The following PRR16 variants were observed in gnomAD, a reference collection of about 807,000 sequenced individuals.
PRR16 encodes protein Largen.
A neutral mutation model predicts 18.2 loss-of-function variants in PRR16; 6 were observed. That is an observed-to-expected ratio of 0.33 (90% CI 0.18 to 0.65). The LOEUF is 0.65. Ranked by LOEUF, PRR16 falls within the 30% of genes least tolerant of loss-of-function variation. The pLI is 0.74. For synonymous variants in PRR16, 151 were observed against 147.8 expected (o/e 1.02, Z -0.16); for missense variants, 412 against 376.6 (o/e 1.09, Z -0.78).
At chr5:120,484,435 C>T (rs901848688) in intron 1 of PRR16, among the ~76,000 whole-genome samples, 2 of 140,382 alleles carry the variant, frequency 1.4e-5, no homozygotes, top group African/African-American at 5.2e-5. Context: ...ATAATATATA[C>T]CTTATATGTT....
chr5:120,489,527 A>G (rs1466239396), intron 1 of PRR16, among the ~76,000 whole-genome samples: 1 of 151,736 alleles, frequency 6.6e-6, no homozygotes, highest in African/African-American at 2.4e-5. Flanking sequence ...CCATCCCTTT[A>G]TTTTGAGCCT....
intron 1 of PRR16, among the ~76,000 whole-genome samples, chr5:120,544,011 G>A (rs1190264013): frequency 6.6e-6 from 1 of 152,130 alleles, no homozygotes; most frequent in Non-Finnish European, 1.5e-5. Context: ...GTCTGGCTGT[G>A]GAGATAATCT....
At chr5:120,770,302 A>T in the PRR16 span, among the ~76,000 whole-genome samples, 6 of 151,954 alleles carry the variant, frequency 3.9e-5, no homozygotes, top group Non-Finnish European at 7.4e-5. Context: ...TTCATACACG[A>T]TCAGTTGAAT....
At chr5:120,737,477 A>T in the PRR16 span, among the ~76,000 whole-genome samples, 1 of 151,862 alleles carries the variant, frequency 6.6e-6, no homozygotes, top group African/African-American at 2.4e-5. Flanking sequence ...TTCCAGGAAT[A>T]AATACTATTT....
the PRR16 span, among the ~76,000 whole-genome samples, chr5:120,734,251 G>T: frequency 1.3e-5 from 2 of 152,180 alleles, no homozygotes; most frequent in Non-Finnish European, 2.9e-5. Context: ...CGCATAAGGG[G>T]AAGTAGCTGA....
intron 1 of PRR16, among the ~76,000 whole-genome samples, chr5:120,681,076 GTC>G (rs1756958626): frequency 6.6e-6 from 1 of 151,998 alleles, no homozygotes; most frequent in Admixed American, 6.6e-5. Flanking sequence ...GTCTTTCTGT[GTC>G]TCTTTTTGGC....
chr5:120,629,870 G>A (rs910539016), intron 1 of PRR16, among the ~76,000 whole-genome samples: 5 of 146,172 alleles, frequency 3.4e-5, no homozygotes, highest in African/African-American at 1.2e-4. Context: ...TATTTTCTGG[G>A]CTGCATTGTT....
intron 1 of PRR16, among the ~76,000 whole-genome samples, chr5:120,621,217 G>C (rs899933866): frequency 3.9e-5 from 6 of 151,980 alleles, no homozygotes; most frequent in African/African-American, 1.5e-4. Flanking sequence ...ACTTTTCTCA[G>C]AGCAGCAAAA....
At chr5:120,763,612 A>C in the PRR16 span, among the ~76,000 whole-genome samples, 3 of 152,046 alleles carry the variant, frequency 2.0e-5, no homozygotes, top group African/African-American at 7.2e-5. Context: ...ATTTTGATAA[A>C]AATTATACTT....
At chr5:120,587,623 A>C (rs1201641452) in intron 1 of PRR16, among the ~76,000 whole-genome samples, 3 of 152,218 alleles carry the variant, frequency 2.0e-5, no homozygotes, top group African/African-American at 7.2e-5. Flanking sequence ...GCATAAATTA[A>C]GACTACTGTT....
At chr5:120,678,759 C>T (rs1310533693) in intron 1 of PRR16, among the ~76,000 whole-genome samples, 1 of 151,904 alleles carries the variant, frequency 6.6e-6, no homozygotes, top group African/African-American at 2.4e-5. Flanking sequence ...TCTTATTTTC[C>T]AATTTGGATT....
At chr5:120,543,587 G>A (rs1235098536) in intron 1 of PRR16, among the ~76,000 whole-genome samples, 1 of 152,134 alleles carries the variant, frequency 6.6e-6, no homozygotes, top group East Asian at 1.9e-4. Flanking sequence ...GGAAACTGAT[G>A]TGAACAAAAT....
the PRR16 span, among the ~76,000 whole-genome samples, chr5:120,717,180 T>C: frequency 6.6e-6 from 1 of 152,220 alleles, no homozygotes; most frequent in Non-Finnish European, 1.5e-5. Flanking sequence ...TTTTCAGTTA[T>C]AGATTAATGG....
chr5:120,704,912 A>C, the PRR16 span, among the ~76,000 whole-genome samples: 1 of 152,160 alleles, frequency 6.6e-6, no homozygotes, highest in Non-Finnish European at 1.5e-5. Context: ...ATATTTCAAA[A>C]AGTTTACGTG....
At chr5:120,484,016 T>C (rs1749707493) in intron 1 of PRR16, among the ~76,000 whole-genome samples, 1 of 152,028 alleles carries the variant, frequency 6.6e-6, no homozygotes. Context: ...CAAGTCTTCT[T>C]TCCTTCTAAA....
intron 1 of PRR16, among the ~76,000 whole-genome samples, chr5:120,673,427 G>A (rs1756683070): frequency 6.6e-6 from 1 of 152,118 alleles, no homozygotes; most frequent in Non-Finnish European, 1.5e-5. Flanking sequence ...TCTTTAAAAA[G>A]CACATAAACA....
intron 1 of PRR16, among the ~76,000 whole-genome samples, chr5:120,492,711 C>A (rs897005262): frequency 5.9e-5 from 9 of 152,046 alleles, no homozygotes; most frequent in Non-Finnish European, 1.3e-4. Flanking sequence ...TATCCCTGCC[C>A]CTTGACATCG....
chr5:120,632,306 G>C (rs566211588), intron 1 of PRR16, among the ~76,000 whole-genome samples: 2 of 152,112 alleles, frequency 1.3e-5, no homozygotes, highest in Admixed American at 1.3e-4. Context: ...CTGGTAATAT[G>C]GCAAAACAAG....
chr5:120,755,623 A>T, the PRR16 span, among the ~76,000 whole-genome samples: 3 of 152,086 alleles, frequency 2.0e-5, no homozygotes, highest in African/African-American at 7.2e-5. Flanking sequence ...TTCTTTATCC[A>T]GTCCACTGTC....
Sources: gnomAD v4.1 joint callset for allele counts (sites outside exome capture counted in the v4.1 genomes callset) on GRCh38, gnomAD v4.1.1 for gene constraint, MANE v1.5 for transcripts, NCBI Gene and HGNC (gene_info 2026-07-23, HGNC 2026-07-21) for gene names.